The following CLSTN1 variants were observed in gnomAD, a reference collection of about 807,000 sequenced individuals.
CLSTN1 encodes the protein calsyntenin-1.
In CLSTN1, 28 loss-of-function variants were observed where a neutral mutation model predicts 108.3. That is an observed-to-expected ratio of 0.26 (90% confidence interval 0.19 to 0.35). The LOEUF (loss-of-function observed/expected upper bound fraction) is 0.35. Among genes scored for constraint, CLSTN1 ranks in the 10% least tolerant of loss-of-function variants. The pLI is 1.00. For synonymous variants in CLSTN1, 524 were observed against 534.9 expected, an observed-to-expected ratio of 0.98 and a Z score of 0.28; for missense variants, 1,157 against 1,302.6, an observed-to-expected ratio of 0.89 and a Z score of 1.72.
intron 1 of CLSTN1, among the ~76,000 whole-genome samples, chr1:9,821,412 C>T (rs1295288599): frequency 6.6e-6 from 1 of 152,154 alleles, no homozygotes; most frequent in East Asian, 1.9e-4. Context: ...GGATTACAGG[C>T]GCAAGCCACT....
intron 1 of CLSTN1, among the ~76,000 whole-genome samples, chr1:9,817,367 G>T (rs186377218): frequency 1.0e-3 from 152 of 152,082 alleles, no homozygotes; most frequent in Admixed American, 2.0e-3. Flanking sequence ...TGCTCTTGTT[G>T]CCCAGGCTGG....
chr1:9,749,813 ATCT>A lies in CLSTN1; in HGVS notation c.747_749del (p.Glu249del). 6.2e-7 allele frequency: 1 copy of A among 1,614,190 alleles called. No homozygotes were observed. Among genetic ancestry groups the A allele is most frequent in the Non-Finnish European group, 8.5e-7 (1 of 1,180,026 alleles). On this transcript the variant is annotated inframe_deletion, in exon 6 of 19. Coordinates refer to ENST00000377298, the MANE Select transcript of CLSTN1 (RefSeq NM_001009566.3). ...GCTTAATGCTGATCTTCACCAAAAC[ATCT>A]TCTGTGGCTCTTTTCTTCCCACAGT...
chr1:9,754,284 G>A (rs530537032), intron 4 of CLSTN1, among the ~76,000 whole-genome samples: 18 of 152,234 alleles, frequency 1.2e-4, no homozygotes, highest in African/African-American at 3.6e-4. Flanking sequence ...AACCTAGGCC[G>A]GGTGTGGTGG....
At chr1:9,738,576 A>C (rs1650811552) in intron 10 of CLSTN1, among the ~76,000 whole-genome samples, 1 of 152,218 alleles carries the variant, frequency 6.6e-6, no homozygotes, top group South Asian at 2.1e-4. Context: ...AACGTGTAGC[A>C]AAAGTGGCAG....
chr1:9,796,658 T>C (rs1444506803), intron 1 of CLSTN1, among the ~76,000 whole-genome samples: 2 of 152,008 alleles, frequency 1.3e-5, no homozygotes, highest in Non-Finnish European at 2.9e-5. Flanking sequence ...CACTCCAGCC[T>C]GGGCGACAGA....
chr1:9,765,819 G>C (rs191249833), intron 2 of CLSTN1, among the ~76,000 whole-genome samples: 197 of 152,276 alleles, frequency 1.3e-3, no homozygotes, highest in African/African-American at 4.5e-3. Flanking sequence ...GGAGGTTGCA[G>C]TGAGCCAAGA....
At chr1:9,790,481 T>C (rs1355810081) in intron 1 of CLSTN1, among the ~76,000 whole-genome samples, 1 of 151,480 alleles carries the variant, frequency 6.6e-6, no homozygotes, top group Admixed American at 6.7e-5. Context: ...CTAGATCCTA[T>C]ACGGTCATGG....
chr1:9,731,995 G>C (rs1011902339), intron 16 of CLSTN1, 99 bp from the exon 17 acceptor site: 2 of 1,461,658 alleles, frequency 1.4e-6, no homozygotes, highest in African/African-American at 2.8e-5. Flanking sequence ...GTGCCACTCA[G>C]AGTGGCTCCT....
chr1:9,754,809 C>T (rs922299895), intron 4 of CLSTN1, among the ~76,000 whole-genome samples: 1 of 152,160 alleles, frequency 6.6e-6, no homozygotes, highest in African/African-American at 2.4e-5. Context: ...GAGCCAAGAT[C>T]ATGCCATTGC....
At chr1:9,808,854 AGAG>A (rs906877497) in intron 1 of CLSTN1, among the ~76,000 whole-genome samples, 5 of 151,896 alleles carry the variant, frequency 3.3e-5, no homozygotes, top group Non-Finnish European at 7.4e-5. Flanking sequence ...CCAAACGATA[AGAG>A]TACAGCCGGG....
At chr1:9,779,002 G>A (rs1653105461) in intron 1 of CLSTN1, among the ~76,000 whole-genome samples, 1 of 150,222 alleles carries the variant, frequency 6.7e-6, no homozygotes, top group Non-Finnish European at 1.5e-5. Flanking sequence ...CAGCCTGGGA[G>A]AGAAGCGAGA....
At chr1:9,796,273 AAAAACAAAAAAC>A (rs1453213815) in intron 1 of CLSTN1, among the ~76,000 whole-genome samples, 12 of 142,782 alleles carry the variant, frequency 8.4e-5, no homozygotes, top group African/African-American at 3.5e-4. Flanking sequence ...AAACAAAAAA[AAAAACAAAAAAC>A]AAAACAAAAC....
chr1:9,819,683 CG>C (rs1313985386), intron 1 of CLSTN1, among the ~76,000 whole-genome samples: 2 of 152,028 alleles, frequency 1.3e-5, no homozygotes, highest in East Asian at 3.8e-4. Context: ...TCCAGTTAAC[CG>C]AGTGAATGCT....
At chr1:9,756,172 G>A (rs533847938) in intron 3 of CLSTN1, among the ~76,000 whole-genome samples, 109 of 152,310 alleles carry the variant, frequency 7.2e-4, no homozygotes, top group African/African-American at 2.5e-3. Context: ...ATGAAAATAA[G>A]ACTGCACTCC....
intron 13 of CLSTN1, 67 bp from the exon 14 acceptor site, chr1:9,735,241 G>A: frequency 6.5e-7 from 1 of 1,546,020 alleles, no homozygotes; most frequent in Non-Finnish European, 8.9e-7. Flanking sequence ...CTGTGCAAAG[G>A]CACATGGAGG....
chr1:9,735,444 G>A lies in CLSTN1; in HGVS notation c.1883+23C>T, dbSNP rs186522675. On this transcript the variant is annotated intron_variant, in intron 13 of 18. Coordinates refer to ENST00000377298, the MANE Select transcript of CLSTN1 (RefSeq NM_001009566.3). The stretch of plus-strand genomic sequence containing the variant: ...CAAGTGTCATTGGGCAAAACAGGCC[G>A]GCTGTTAAAAATCAGGACGTACTTG... The A allele has an allele frequency of 7.2e-5, 117 of 1,614,138 alleles. No individual in the cohort carries two copies. In the East Asian group the frequency reaches 1.4e-3, roughly 20 times the overall value.
chr1:9,802,685 C>T (rs1000315658), intron 1 of CLSTN1, among the ~76,000 whole-genome samples: 6 of 152,104 alleles, frequency 3.9e-5, no homozygotes, highest in Admixed American at 1.3e-4. Context: ...TTCTGAACTA[C>T]GAAAATATCA....
chr1:9,755,679 T>C (rs886651488), intron 3 of CLSTN1, among the ~76,000 whole-genome samples: 12 of 152,024 alleles, frequency 7.9e-5, no homozygotes, highest in African/African-American at 2.9e-4. Context: ...CTGCCCCAGC[T>C]CCTGGGAGGG....
chr1:9,758,120 A>T (rs932780556), intron 2 of CLSTN1, among the ~76,000 whole-genome samples: 9 of 151,858 alleles, frequency 5.9e-5, no homozygotes, highest in Non-Finnish European at 1.2e-4. Flanking sequence ...CAGCTTCCTC[A>T]GTAGCTGGGA....
Sources: gnomAD v4.1 joint callset for allele counts (sites outside exome capture counted in the v4.1 genomes callset) on GRCh38, gnomAD v4.1.1 for gene constraint, MANE v1.5 for transcripts, NCBI Gene and HGNC (gene_info 2026-07-23, HGNC 2026-07-21) for gene names.